The following NEGR1 variants were observed in gnomAD, a reference collection of about 807,000 sequenced individuals.
NEGR1 encodes the protein IgLON family member 4.
A neutral mutation model predicts 40.9 loss-of-function variants in NEGR1; 10 were observed. The observed-to-expected ratio is 0.24, with a 90% CI of 0.15 to 0.42. The LOEUF (loss-of-function observed/expected upper bound fraction) is 0.42, where lower values mean the gene tolerates loss of function less well. Among genes scored for constraint, NEGR1 ranks in the 10% least tolerant of loss-of-function variants. The pLI, the probability that NEGR1 is intolerant of heterozygous loss-of-function variation, is 1.00. For synonymous variants in NEGR1, 185 were observed against 166.8 expected, an observed-to-expected ratio of 1.11 and a Z score of -0.84; for missense variants, 352 against 438.9, an observed-to-expected ratio of 0.80 and a Z score of 1.77.
intron 6 of NEGR1, among the ~76,000 whole-genome samples, chr1:71,526,045 A>T (rs1217659468): frequency 1.3e-5 from 2 of 151,590 alleles, no homozygotes; most frequent in South Asian, 2.1e-4. Flanking sequence ...TGAGAAACAG[A>T]GATTAGAAAG....
intron 2 of NEGR1, among the ~76,000 whole-genome samples, chr1:71,850,090 TTGTG>T (rs34916819): frequency 6.6e-5 from 10 of 150,556 alleles, no homozygotes; most frequent in African/African-American, 9.7e-5. Context: ...TTACATACCA[TTGTG>T]TGTGTGTGTG....
intron 3 of NEGR1, among the ~76,000 whole-genome samples, chr1:71,698,886 T>G (rs1653582007): frequency 6.6e-6 from 1 of 151,938 alleles, no homozygotes; most frequent in African/African-American, 2.4e-5. Flanking sequence ...GAATGAGATT[T>G]GAGAAAATAA....
intron 1 of NEGR1, among the ~76,000 whole-genome samples, chr1:72,212,473 A>G (rs969204171): frequency 6.6e-6 from 1 of 151,964 alleles, no homozygotes; most frequent in African/African-American, 2.4e-5. Flanking sequence ...AATTTATCAA[A>G]AGCCCAACAA....
At chr1:72,148,364 A>G (rs1018725996) in intron 1 of NEGR1, among the ~76,000 whole-genome samples, 1 of 152,008 alleles carries the variant, frequency 6.6e-6, no homozygotes, top group Non-Finnish European at 1.5e-5. Flanking sequence ...GGCCCCTTTC[A>G]GTGATGGCTC....
At chr1:71,542,096 T>C (rs1160738877) in intron 6 of NEGR1, among the ~76,000 whole-genome samples, 1 of 151,622 alleles carries the variant, frequency 6.6e-6, no homozygotes, top group Non-Finnish European at 1.5e-5. Context: ...GTAGGAAATA[T>C]GAAAAATAAG....
chr1:71,643,147 T>C (rs957791159), intron 4 of NEGR1, among the ~76,000 whole-genome samples: 2 of 152,074 alleles, frequency 1.3e-5, no homozygotes, highest in African/African-American at 4.8e-5. Context: ...TAAAATGGAT[T>C]AAAACCACAC....
At chr1:71,927,817 C>CAAAAAAAAAAAAAAA (rs1645789474) in intron 2 of NEGR1, among the ~76,000 whole-genome samples, 1 of 33,298 alleles carries the variant, frequency 3.0e-5, no homozygotes, top group Non-Finnish European at 4.7e-5. Context: ...GACCCAATCT[C>CAAAAAAAAAAAAAAA]TAAAAAAAAA....
intron 6 of NEGR1, among the ~76,000 whole-genome samples, chr1:71,529,064 A>C (rs1175261337): frequency 6.6e-6 from 1 of 151,188 alleles, no homozygotes; most frequent in African/African-American, 2.4e-5. Context: ...TAACAACAGC[A>C]TTCAGTTAAA....
chr1:71,506,486 C>T (rs1166746625), intron 6 of NEGR1, among the ~76,000 whole-genome samples: 1 of 152,066 alleles, frequency 6.6e-6, no homozygotes, highest in Admixed American at 6.6e-5. Flanking sequence ...TTTGGTGGGG[C>T]CCTAATGCTA....
In NEGR1 at chr1:71,445,709, C is replaced by A. The variant is rs115809805; in HGVS notation, c.941-38139G>T. Among the ~76,000 whole-genome samples the A allele has an allele frequency of 2.8e-3, 427 of 152,134 alleles. 1 individual carries two copies. Among genetic ancestry groups the A allele is most frequent in the South Asian group, 7.7e-3 (37 of 4,806 alleles). On this transcript the variant is annotated intron_variant, in intron 6 of 6. Coordinates refer to ENST00000357731, the MANE Select transcript of NEGR1 (RefSeq NM_173808.3). ...ATGACTTTAAATAAAAATAGAAAGC[C>A]CCAATATGCGTCTTCTTACGTACCA...
intron 1 of NEGR1, among the ~76,000 whole-genome samples, chr1:71,983,721 T>A (rs970884501): frequency 6.6e-6 from 1 of 152,154 alleles, no homozygotes; most frequent in African/African-American, 2.4e-5. Context: ...AAATAGAGAT[T>A]GGACAAAGGG....
chr1:72,078,639 T>TA (rs568891295), intron 1 of NEGR1, among the ~76,000 whole-genome samples: 1,308 of 123,570 alleles, frequency 0.011, 13 homozygotes, highest in African/African-American at 0.031. Context: ...ATATATATAT[T>TA]TATTTATTTT....
At chr1:72,260,725 T>G (rs2100544766) in intron 1 of NEGR1, among the ~76,000 whole-genome samples, 1 of 152,246 alleles carries the variant, frequency 6.6e-6, no homozygotes, top group East Asian at 1.9e-4. Flanking sequence ...TATAATATTT[T>G]AAATGAATCC....
intron 5 of NEGR1, among the ~76,000 whole-genome samples, chr1:71,607,128 C>T (rs758597639): frequency 1.3e-5 from 2 of 152,176 alleles, no homozygotes; most frequent in Non-Finnish European, 2.9e-5. Context: ...CAGAAATAAA[C>T]TCTGTTCCTC....
chr1:72,097,709 A>G (rs1302939962), intron 1 of NEGR1, among the ~76,000 whole-genome samples: 1 of 152,222 alleles, frequency 6.6e-6, no homozygotes, highest in Non-Finnish European at 1.5e-5. Context: ...AAAACCAGGG[A>G]AATCATACAA....
intron 1 of NEGR1, among the ~76,000 whole-genome samples, chr1:71,986,151 T>C (rs1465339460): frequency 6.6e-6 from 1 of 152,228 alleles, no homozygotes; most frequent in African/African-American, 2.4e-5. Flanking sequence ...AAATTCTATA[T>C]GTGGTAGAGT....
chr1:72,173,062 A>G (rs1652021377), intron 1 of NEGR1, among the ~76,000 whole-genome samples: 1 of 151,832 alleles, frequency 6.6e-6, no homozygotes, highest in Non-Finnish European at 1.5e-5. Context: ...GCTGGAGTGT[A>G]GTGGCATGGT....
chr1:71,688,572 T>C (rs1454314154), intron 4 of NEGR1, among the ~76,000 whole-genome samples: 1 of 150,810 alleles, frequency 6.6e-6, no homozygotes, highest in Non-Finnish European at 1.5e-5. Context: ...TTCTCCTGCC[T>C]CAGCCTCCCA....
chr1:71,958,701 A>T (rs554053014), intron 1 of NEGR1, among the ~76,000 whole-genome samples: 1 of 152,220 alleles, frequency 6.6e-6, no homozygotes, highest in African/African-American at 2.4e-5. Context: ...CACACCTGTA[A>T]TCCCAGCACT....
Sources: allele counts gnomAD v4.1 joint callset (sites outside exome capture counted in the v4.1 genomes callset), GRCh38; gene constraint gnomAD v4.1.1; transcripts MANE v1.5; gene names NCBI Gene and HGNC (gene_info 2026-07-23, HGNC 2026-07-21).